Variants in CRAMP1 observed in about 807,000 individuals in gnomAD.
CRAMP1 encodes cramped chromatin regulator 1, also known as protein cramped-like.
A neutral mutation model predicts 115.4 loss-of-function variants in CRAMP1; 50 were observed. That is an observed-to-expected ratio of 0.43 (90% CI 0.35 to 0.55). The LOEUF (loss-of-function observed/expected upper bound fraction) is 0.55. CRAMP1 is among the 20% of genes least tolerant of loss of function. The pLI, the probability that CRAMP1 is intolerant of heterozygous loss-of-function variation, is 0.01. For missense variants in CRAMP1, 1,679 were observed against 1,721.7 expected (o/e 0.98, Z 0.44); for synonymous variants, 866 against 745.4 (o/e 1.16, Z -2.64).
rs1744051182 is a variant in CRAMP1 at position 1,676,787 on chromosome 16, G to C, written c.*2742G>C. ...GTGCAGTGATAAGCGGGCATTGCGTGCCTCGGGGGATGCCTAGTTCGTGGC... is the reference window on the plus strand; with the variant it reads ...GTGCAGTGATAAGCGGGCATTGCGTCCCTCGGGGGATGCCTAGTTCGTGGC... On this transcript the variant is annotated 3_prime_UTR_variant, in exon 21 of 21. Transcript: ENST00000397412. The C allele has an allele frequency of 6.6e-6, 1 of 152,276 alleles. No homozygotes were observed. Among genetic ancestry groups the C allele is most frequent in the African/African-American group, 2.4e-5 (1 of 41,450 alleles). 9.4% of individuals were successfully genotyped at this position (152,276 alleles called of 1,614,324 possible).
At chr16:1,673,842 G>GT in intron 20 of CRAMP1, 39 bp from the exon 21 acceptor site, 1 of 1,607,796 alleles carries the variant, frequency 6.2e-7, no homozygotes. Context: ...GGGCCAGCAG[G>GT]TCGCGGTGAC....
chr16:1,639,576 C>G (rs992765690), intron 5 of CRAMP1, among the ~76,000 whole-genome samples: 1 of 152,256 alleles, frequency 6.6e-6, no homozygotes, highest in East Asian at 1.9e-4. Context: ...CACTTCTTTG[C>G]AAAGGAAGAC....
In CRAMP1 at chr16:1,674,079, G is replaced by T; in HGVS notation, c.*34G>T. On this transcript the variant is annotated 3_prime_UTR_variant, in exon 21 of 21. Coordinates refer to ENST00000397412, the MANE Select transcript of CRAMP1 (RefSeq NM_020825.4). Reference sequence around the variant, plus strand: ...CCTGGTGGCGGATGAAGCCCTCTTCGAGCTAGAGAAAAATAGATAAGCCCA... The same window carrying T: ...CCTGGTGGCGGATGAAGCCCTCTTCTAGCTAGAGAAAAATAGATAAGCCCA... 6.2e-7 allele frequency: 1 copy of T among 1,600,164 alleles called. No homozygotes were observed. Among genetic ancestry groups the T allele is most frequent in the South Asian group, 1.1e-5 (1 of 89,732 alleles).
intron 10 of CRAMP1, among the ~76,000 whole-genome samples, chr16:1,657,602 C>G (rs561150814): frequency 4.6e-5 from 7 of 152,198 alleles, no homozygotes; most frequent in African/African-American, 1.7e-4. Flanking sequence ...GATGCGGTGC[C>G]GCAGCAGAAT....
intron 3 of CRAMP1, among the ~76,000 whole-genome samples, chr16:1,631,519 C>T (rs148635988): frequency 6.6e-6 from 1 of 152,330 alleles, no homozygotes; most frequent in African/African-American, 2.4e-5. Context: ...GCTAAGGATG[C>T]TGGTTACTGC....
At chr16:1,640,202 A>T (rs1567452650) in intron 5 of CRAMP1, among the ~76,000 whole-genome samples, 2 of 152,076 alleles carry the variant, frequency 1.3e-5, no homozygotes, top group Non-Finnish European at 2.9e-5. Context: ...GCCGGCTGTG[A>T]ATTCTTAGTT....
chr16:1,641,281 T>G, intron 6 of CRAMP1, 94 bp downstream of exon 6: 1 of 923,054 alleles, frequency 1.1e-6, no homozygotes, highest in Non-Finnish European at 1.8e-6. Context: ...AGTGAGGACC[T>G]TCCGAGTTAA....
At position 1,614,718 on chromosome 16, in the gene CRAMP1, T is replaced by G. The variant is rs1596479530; in HGVS notation, c.79T>G (p.Ser27Ala). The G allele has an allele frequency of 3.7e-6, 5 of 1,354,162 alleles. No individual in the cohort carries two copies. The highest frequency in any genetic ancestry group is 2.9e-6 in the Non-Finnish European group (3 of 1,043,364). 83.9% of individuals were successfully genotyped at this position (1,354,162 alleles called of 1,614,324 possible). A position where few individuals can be genotyped will look rare whatever the true frequency, so the allele number is the denominator to read the frequency against. ...KLGKRAADEESLEGEGAGGAD... is the reference protein window; with the variant it reads ...KLGKRAADEEALEGEGAGGAD... ...GGGCAAGCGGGCGGCCGATGAGGAGTCCCTGGAAGGAGAAGGGGCCGGCGG... is the reference window on the plus strand; with the variant it reads ...GGGCAAGCGGGCGGCCGATGAGGAGGCCCTGGAAGGAGAAGGGGCCGGCGG... The change falls in exon 2 of 21, where the codon TCC (serine) becomes GCC (alanine). Residue 27 changes from serine (S) to alanine (A), a missense_variant. Physicochemically the swap from Ser to Ala is moderately conservative, Grantham distance 99 (BLOSUM62 1). Coordinates refer to ENST00000397412, the MANE Select transcript of CRAMP1 (RefSeq NM_020825.4). This position sits in a 1 kb window ranked among gnomAD's most constrained non-coding sequence, Gnocchi z 4.4.
intron 2 of CRAMP1, chr16:1,620,666 G>A (rs1187194558): frequency 6.6e-6 from 3 of 456,824 alleles, no homozygotes; most frequent in Non-Finnish European, 1.3e-5. Flanking sequence ...CCCAGCTCTG[G>A]CTGTCTATTA....
rs191168903 is a variant in CRAMP1, at chr16:1,634,630, A to G, written c.694+2265A>G. Among the ~76,000 whole-genome samples, 7 of 152,220 alleles carry G rather than the reference A, an allele frequency of 4.6e-5. No homozygotes were observed. In the East Asian group the frequency reaches 1.4e-3, roughly 30 times the overall value. ...TCGTGCATCTTTGGTGTGACCCCACATGATGTGCCTTCTTCCTGTTGAGCT... is the reference window on the plus strand; with the variant it reads ...TCGTGCATCTTTGGTGTGACCCCACGTGATGTGCCTTCTTCCTGTTGAGCT... On this transcript the variant is annotated intron_variant, in intron 4 of 20. Transcript: ENST00000397412.
At chr16:1,642,260 T>C (rs1311766448) in intron 6 of CRAMP1, among the ~76,000 whole-genome samples, 2 of 152,210 alleles carry the variant, frequency 1.3e-5, no homozygotes, top group Non-Finnish European at 2.9e-5. Context: ...TCCCCCAGGC[T>C]TGTGTCTGAT....
intron 4 of CRAMP1, among the ~76,000 whole-genome samples, chr16:1,634,246 C>G (rs2036569088): frequency 6.6e-6 from 1 of 152,138 alleles, no homozygotes; most frequent in South Asian, 2.1e-4. Context: ...CGTCTTTGGA[C>G]CCTCAGGCTC....
chr16:1,639,352 C>T (rs948844262), intron 5 of CRAMP1, among the ~76,000 whole-genome samples: 16 of 151,496 alleles, frequency 1.1e-4, no homozygotes, highest in African/African-American at 3.2e-4. Flanking sequence ...TGGGCCCGGA[C>T]GTAGGGGCTC....
chr16:1,644,201 C>G (rs539239371), intron 6 of CRAMP1, among the ~76,000 whole-genome samples: 154 of 152,280 alleles, frequency 1.0e-3, no homozygotes, highest in African/African-American at 3.4e-3. Context: ...TCACCTGACT[C>G]TCTGGGCCCC....
chr16:1,642,409 T>G (rs2036639913), intron 6 of CRAMP1, among the ~76,000 whole-genome samples: 1 of 152,226 alleles, frequency 6.6e-6, no homozygotes, highest in African/African-American at 2.4e-5. Flanking sequence ...AGCCAACGAC[T>G]GTAACTGGGT....
At chr16:1,633,588 T>G (rs1338659268) in intron 4 of CRAMP1, among the ~76,000 whole-genome samples, 2 of 152,252 alleles carry the variant, frequency 1.3e-5, no homozygotes, top group Non-Finnish European at 2.9e-5. Context: ...GCTGGTCTTC[T>G]CATGTTCAGC....
Position 1,656,014 on chromosome 16 carries a change from G to A in CRAMP1, c.1257G>A (p.Lys419=), listed in dbSNP as rs1431248586. Residue 419 remains lysine (K), a synonymous_variant, in exon 10 of 21, where the codon AAG becomes AAA. Coordinates refer to ENST00000397412, the MANE Select transcript of CRAMP1 (RefSeq NM_020825.4). The surrounding 1 kb of genome is among the most constrained non-coding windows in gnomAD (Gnocchi z 5.6). ...GCGTGGCTCGCGTGGTGCACTCCAA[G>A]GCCTTCTGCACAGTGCACTGGCAGG... The part of the protein sequence containing the change: ...LPGVARVVHS[K]AFCTVHWQEG... The A allele has an allele frequency of 6.2e-7, 1 of 1,612,652 alleles. No individual in the cohort carries two copies. Among genetic ancestry groups the A allele is most frequent in the African/African-American group, 1.3e-5 (1 of 74,936 alleles).
Position 1,641,130 on chromosome 16 carries a change from C to T in CRAMP1, c.779-9C>T. ...TGTGGTCTCATTTATTTATTTTTTCCATTTAAAGGTATGGATGACAAGAAT... is the reference window on the plus strand; with the variant it reads ...TGTGGTCTCATTTATTTATTTTTTCTATTTAAAGGTATGGATGACAAGAAT... On this transcript the variant is annotated splice_polypyrimidine_tract_variant and intron_variant, in intron 5 of 20. Coordinates refer to ENST00000397412, the MANE Select transcript of CRAMP1 (RefSeq NM_020825.4). The T allele has an allele frequency of 1.2e-6, 2 of 1,602,332 alleles. No homozygotes were observed. The highest frequency in any genetic ancestry group is 1.7e-5 in the Admixed American group (1 of 59,766).
chr16:1,650,014 G>A (rs1458573095), intron 6 of CRAMP1, among the ~76,000 whole-genome samples: 10 of 151,900 alleles, frequency 6.6e-5, no homozygotes, highest in African/African-American at 2.2e-4. Flanking sequence ...GGCTGGTCTC[G>A]AACTCCTGAC....
Sources: gnomAD v4.1 joint callset for allele counts (sites outside exome capture counted in the v4.1 genomes callset) on GRCh38, gnomAD v4.1.1 for gene constraint, Gnocchi (gnomAD v3.1) non-coding constraint, MANE v1.5 for transcripts, NCBI Gene and HGNC (gene_info 2026-07-23, HGNC 2026-07-21) for gene names.